Variants in OLA1 observed in about 807,000 individuals in gnomAD.
The protein encoded by OLA1 is obg-like ATPase 1.
OLA1 carries 14 observed loss-of-function variants against 48.4 expected under a neutral mutation model. That is an observed-to-expected ratio of 0.29 (90% CI 0.19 to 0.45). OLA1 has a LOEUF of 0.45. Among genes scored for constraint, OLA1 ranks in the 20% least tolerant of loss-of-function variants. The pLI is 1.00. For missense variants in OLA1, 325 were observed against 467.1 expected, an observed-to-expected ratio of 0.70 and a Z score of 2.80; for synonymous variants, 127 against 150.4, an observed-to-expected ratio of 0.84 and a Z score of 1.14.
chr2:174,171,446 T>C (rs113270148), intron 4 of OLA1, among the ~76,000 whole-genome samples: 4 of 152,106 alleles, frequency 2.6e-5, no homozygotes, highest in African/African-American at 7.2e-5. Context: ...AAAATTAAAT[T>C]AGAAATCAAT....
chr2:174,173,880 T>G lies in OLA1; in HGVS notation c.374-31880A>C, dbSNP rs143260744. Among the ~76,000 whole-genome samples, 11 of 152,052 alleles carry G rather than the reference T, an allele frequency of 7.2e-5. 1 individual carries two copies. Among genetic ancestry groups the G allele is most frequent in the African/African-American group, 2.6e-4 (11 of 41,552 alleles). ...ATTAATAACTTTATGCCCAATAAAT[T>G]TGACAGCTTAAATGAAGTAATCAAA... On this transcript the variant is annotated intron_variant, in intron 4 of 10. Transcript: ENST00000284719.
intron 5 of OLA1, among the ~76,000 whole-genome samples, chr2:174,135,892 AAGTG>A (rs375303986): frequency 8.1e-4 from 124 of 152,352 alleles, no homozygotes; most frequent in African/African-American, 2.7e-3. Context: ...AAGTGCAATA[AAGTG>A]AGTATCGCTA....
At chr2:174,133,517 T>C (rs904169244) in intron 5 of OLA1, among the ~76,000 whole-genome samples, 1 of 152,274 alleles carries the variant, frequency 6.6e-6, no homozygotes, top group Non-Finnish European at 1.5e-5. Context: ...TGTGCCAGAA[T>C]GCCCAACTGA....
In OLA1 at chr2:174,074,522, C is replaced by G. The variant is rs1324315137; in HGVS notation, c.*904G>C. 1 of 152,144 alleles carries G rather than the reference C, an allele frequency of 6.6e-6. No individual in the cohort carries two copies. The highest frequency in any genetic ancestry group is 1.5e-5 in the Non-Finnish European group (1 of 68,030). The allele number at this position is 152,144 out of a possible 1,614,324, so 9.4% of individuals were successfully genotyped here. ...ATTTTTAAAATTTTCAAAGTCTGAT[C>G]TTAGTATTTCAAAATCAGTGTAGGA... On this transcript the variant is annotated 3_prime_UTR_variant, in exon 11 of 11. Coordinates refer to ENST00000284719, the MANE Select transcript of OLA1 (RefSeq NM_013341.5).
intron 3 of OLA1, among the ~76,000 whole-genome samples, chr2:174,224,319 C>T (rs900685771): frequency 5.3e-5 from 8 of 152,162 alleles, no homozygotes; most frequent in Non-Finnish European, 1.2e-4. Flanking sequence ...ATTTTGGTAG[C>T]CATTCCTCTC....
intron 4 of OLA1, among the ~76,000 whole-genome samples, chr2:174,161,267 AAACT>A (rs1437391117): frequency 6.6e-6 from 1 of 152,226 alleles, no homozygotes; most frequent in Non-Finnish European, 1.5e-5. Flanking sequence ...TAACAAAAGC[AAACT>A]AACAATGTAA....
intron 5 of OLA1, among the ~76,000 whole-genome samples, chr2:174,134,905 T>C (rs1686267331): frequency 6.6e-6 from 1 of 152,198 alleles, no homozygotes; most frequent in Non-Finnish European, 1.5e-5. Context: ...CTCATGCCTG[T>C]AATCCCAGCC....
intron 5 of OLA1, among the ~76,000 whole-genome samples, chr2:174,137,150 T>C (rs1233473651): frequency 6.6e-6 from 1 of 152,226 alleles, no homozygotes; most frequent in Non-Finnish European, 1.5e-5. Flanking sequence ...GAATGGATGT[T>C]GTCTTAGCAG....
intron 2 of OLA1, among the ~76,000 whole-genome samples, chr2:174,234,614 C>A (rs1281834899): frequency 6.6e-6 from 1 of 152,084 alleles, no homozygotes; most frequent in East Asian, 1.9e-4. Context: ...CACGTGCGTA[C>A]CACCACCCCT....
intron 7 of OLA1, among the ~76,000 whole-genome samples, chr2:174,099,726 CAT>C (rs1229830800): frequency 6.6e-6 from 1 of 152,068 alleles, no homozygotes; most frequent in East Asian, 1.9e-4. Context: ...TTATTAATGA[CAT>C]ATAATAAATA....
At chr2:174,147,615 A>G (rs1686639964) in intron 4 of OLA1, among the ~76,000 whole-genome samples, 2 of 152,158 alleles carry the variant, frequency 1.3e-5, no homozygotes, top group Admixed American at 6.5e-5. Flanking sequence ...TTAGTAGTCT[A>G]TTTGAAATAG....
chr2:174,183,836 T>C (rs941995019), intron 4 of OLA1, among the ~76,000 whole-genome samples: 3 of 152,194 alleles, frequency 2.0e-5, no homozygotes, highest in Non-Finnish European at 4.4e-5. Flanking sequence ...GTACTCAATA[T>C]CTCTTCTCAT....
chr2:174,088,039 A>G (rs1157414556), intron 7 of OLA1, among the ~76,000 whole-genome samples: 1 of 152,252 alleles, frequency 6.6e-6, no homozygotes, highest in African/African-American at 2.4e-5. Context: ...AAATAAATCA[A>G]CAGTGATATC....
intron 4 of OLA1, among the ~76,000 whole-genome samples, chr2:174,174,002 A>G (rs926504915): frequency 9.0e-5 from 13 of 144,958 alleles, no homozygotes; most frequent in Admixed American, 2.1e-4. Flanking sequence ...TGAAATAAAA[A>G]CCTTCCCATA....
At chr2:174,239,739 TA>T (rs1688950528) in intron 2 of OLA1, among the ~76,000 whole-genome samples, 1 of 140,838 alleles carries the variant, frequency 7.1e-6, no homozygotes, top group Non-Finnish European at 1.6e-5. Context: ...AAAAAAAAGT[TA>T]AAAATTAGCC....
In OLA1 at chr2:174,079,069, C is replaced by A. The variant is rs759396096; in HGVS notation, c.988G>T (p.Ala330Ser). Reference protein sequence around the residue: ...TIRKGTKAPQAAGKIHTDFEK... With the variant: ...TIRKGTKAPQSAGKIHTDFEK... ...AAATCTGTGTGAATCTTTCCTGCAG[C>A]CTGAGGAGCCTTAGTCCCTTTCTTT... is the stretch of plus-strand genomic sequence containing the variant. Residue 330 changes from alanine to serine, a missense_variant, in exon 10 of 11, where the codon GCT (alanine) becomes TCT (serine). Ala to Ser is a moderately conservative substitution (Grantham distance 99, BLOSUM62 1). Transcript: ENST00000284719. 6.2e-7 allele frequency: 1 copy of A among 1,602,302 alleles called. No homozygotes were observed. The highest frequency in any genetic ancestry group is 2.3e-5 in the East Asian group (1 of 44,260).
intron 4 of OLA1, among the ~76,000 whole-genome samples, chr2:174,197,402 G>A (rs568254711): frequency 6.7e-6 from 1 of 149,946 alleles, no homozygotes; most frequent in East Asian, 2.0e-4. Context: ...AGCGCTAGAA[G>A]GTATGTTGTT....
Position 174,223,029 on chromosome 2 carries a change from T to G in OLA1, c.373+4A>C. The G allele has an allele frequency of 6.2e-7, 1 of 1,610,734 alleles. No individual in the cohort carries two copies. The highest frequency in any genetic ancestry group is 8.5e-7 in the Non-Finnish European group (1 of 1,178,576). Reference sequence around the variant, plus strand: ...TCAATGATTAAATAAACAACTGTACTTACGTGTTAGATGAAAGATGCCATC... The same window carrying G: ...TCAATGATTAAATAAACAACTGTACGTACGTGTTAGATGAAAGATGCCATC... On this transcript the variant is annotated splice_donor_region_variant and intron_variant, in intron 4 of 10. Transcript: ENST00000284719.
At chr2:174,243,078 A>C (rs1689043043) in intron 2 of OLA1, among the ~76,000 whole-genome samples, 1 of 151,812 alleles carries the variant, frequency 6.6e-6, no homozygotes, top group Admixed American at 6.6e-5. Flanking sequence ...GCGCGATCTC[A>C]GCTCACTGAT....
Sources: gnomAD v4.1 joint callset for allele counts (sites outside exome capture counted in the v4.1 genomes callset) on GRCh38, gnomAD v4.1.1 for gene constraint, MANE v1.5 for transcripts, NCBI Gene and HGNC (gene_info 2026-07-23, HGNC 2026-07-21) for gene names.